ZDHHC11: variants seen among roughly 807,000 people sequenced by gnomAD.
The protein encoded by ZDHHC11 is palmitoyltransferase ZDHHC11.
A neutral mutation model predicts 51.3 loss-of-function variants in ZDHHC11; 44 were observed. The ratio of observed to expected loss-of-function variants is 0.86; its 90% CI spans 0.67 to 1.10. ZDHHC11 has a LOEUF of 1.10. Ranked by LOEUF, ZDHHC11 falls within the 50% of genes least tolerant of loss-of-function variation. The pLI is 0.00. For synonymous variants in ZDHHC11, 163 were observed against 222.0 expected (o/e 0.73, Z 2.36); for missense variants, 400 against 537.7 (o/e 0.74, Z 2.53).
At chr5:836,089 T>G (rs1470682021) in intron 6 of ZDHHC11, among the ~76,000 whole-genome samples, 1 of 142,372 alleles carries the variant, frequency 7.0e-6, no homozygotes, top group Admixed American at 6.8e-5. Flanking sequence ...ATATCAGAAG[T>G]AGGAGGAAAG....
chr5:837,973 C>A (rs556281017), intron 5 of ZDHHC11, among the ~76,000 whole-genome samples: 25 of 152,054 alleles, frequency 1.6e-4, no homozygotes, highest in African/African-American at 5.8e-4. Context: ...TGCACAGAGA[C>A]CCCACAGTCG....
chr5:855,802 G>GC (rs1364246834), upstream of ZDHHC11, among the ~76,000 whole-genome samples: 19 of 146,574 alleles, frequency 1.3e-4, no homozygotes, highest in Non-Finnish European at 2.4e-4. Flanking sequence ...GAGCAGTGGG[G>GC]ACAGACCCCA....
At chr5:817,679 G>C (rs746190480) in intron 10 of ZDHHC11, among the ~76,000 whole-genome samples, 1 of 151,288 alleles carries the variant, frequency 6.6e-6, no homozygotes, top group Non-Finnish European at 1.5e-5. Flanking sequence ...CTGCTTTCTA[G>C]GTGGGACTGA....
In ZDHHC11 at chr5:837,050, C is replaced by G. The variant is rs573300279; in HGVS notation, c.900+315G>C. ...CCACCCTGGGCAACAGAGCGAGACT[C>G]TGTCTCAAAAAAAAAGATGCAAAAA... On this transcript the variant is annotated intron_variant, in intron 6 of 12. Coordinates refer to ENST00000283441, the MANE Select transcript of ZDHHC11 (RefSeq NM_024786.3). Among the ~76,000 whole-genome samples the G allele has an allele frequency of 2.0e-5, 3 of 151,582 alleles. No individual in the cohort carries two copies. In the East Asian group the frequency reaches 5.8e-4, roughly 29 times the overall value.
At chr5:844,098 G>A (rs1745684882) in intron 3 of ZDHHC11, among the ~76,000 whole-genome samples, 1 of 151,992 alleles carries the variant, frequency 6.6e-6, no homozygotes, top group Admixed American at 6.5e-5. Flanking sequence ...GTCAGTGTGG[G>A]CGTCCACTTG....
chr5:854,086 C>CG (rs11425138), upstream of ZDHHC11, among the ~76,000 whole-genome samples: 645 of 147,972 alleles, frequency 4.4e-3, 18 homozygotes, highest in Admixed American at 0.031. Context: ...GACAGCGAGC[C>CG]GGGGGGCACA....
intron 2 of ZDHHC11, among the ~76,000 whole-genome samples, chr5:848,052 C>CCT (rs2150454223): frequency 6.7e-6 from 1 of 150,050 alleles, no homozygotes; most frequent in Non-Finnish European, 1.5e-5. Context: ...GCCTCCAGGG[C>CCT]CCCTGGAGAC....
At chr5:823,578 C>T (rs539103751) in intron 8 of ZDHHC11, 4 of 165,362 alleles carry the variant, frequency 2.4e-5, no homozygotes, top group East Asian at 1.5e-4. Flanking sequence ...GTGCCACGGA[C>T]GCGGGTGTCA....
chr5:834,244 T>C (rs1463140377), intron 6 of ZDHHC11, among the ~76,000 whole-genome samples: 4 of 152,416 alleles, frequency 2.6e-5, no homozygotes, highest in African/African-American at 2.4e-5. Flanking sequence ...TAGAATGATG[T>C]TGAGCATTTT....
chr5:856,545 A>G (rs567019471), intron 1 of ZDHHC11, among the ~76,000 whole-genome samples: 8 of 148,676 alleles, frequency 5.4e-5, no homozygotes, highest in African/African-American at 2.0e-4. Flanking sequence ...ACACCACACA[A>G]CTCCATGCAC....
intron 6 of ZDHHC11, among the ~76,000 whole-genome samples, chr5:834,969 G>A (rs868845104): frequency 1.2e-3 from 189 of 151,966 alleles, no homozygotes; most frequent in Middle Eastern, 6.8e-3. Flanking sequence ...ATGTGTGCCT[G>A]TATTTTTATT....
At chr5:836,080 T>G (rs1301711135) in intron 6 of ZDHHC11, among the ~76,000 whole-genome samples, 1 of 140,086 alleles carries the variant, frequency 7.1e-6, no homozygotes, top group African/African-American at 2.7e-5. Flanking sequence ...GTGACTGTGA[T>G]ATCAGAAGTA....
intron 11 of ZDHHC11, among the ~76,000 whole-genome samples, chr5:802,667 G>A (rs1738601163): frequency 6.7e-6 from 1 of 149,944 alleles, no homozygotes; most frequent in Non-Finnish European, 1.5e-5. Flanking sequence ...ATCTATGGGA[G>A]AGTGCTTGAA....
At chr5:817,441 A>G (rs1740954291) in intron 10 of ZDHHC11, among the ~76,000 whole-genome samples, 1 of 151,486 alleles carries the variant, frequency 6.6e-6, no homozygotes, top group African/African-American at 2.4e-5. Context: ...TTCACACACT[A>G]TTTTTGTGGG....
intron 1 of ZDHHC11, 69 bp downstream of exon 1, chr5:850,312 C>A (rs887388612): frequency 1.8e-5 from 28 of 1,535,108 alleles, no homozygotes. Flanking sequence ...CCAGACCCCA[C>A]AGCCAGGTCC....
At chr5:841,893 T>TGGAA in intron 4 of ZDHHC11, 1 of 989,842 alleles carries the variant, frequency 1.0e-6, no homozygotes, top group Non-Finnish European at 1.2e-6. Flanking sequence ...ACAGACCCTC[T>TGGAA]CTGGAACTGG....
intron 10 of ZDHHC11, chr5:816,827 G>T: frequency 2.1e-6 from 1 of 477,198 alleles, no homozygotes; most frequent in Non-Finnish European, 4.1e-6. Flanking sequence ...TTTGATGGCA[G>T]ATACACCCTG....
intron 1 of ZDHHC11, among the ~76,000 whole-genome samples, chr5:856,868 TACC>T (rs1413814243): frequency 2.2e-5 from 3 of 137,826 alleles, no homozygotes; most frequent in Admixed American, 2.2e-4. Context: ...ACTGCACACA[TACC>T]ACACCCCCAA....
intron 11 of ZDHHC11, among the ~76,000 whole-genome samples, chr5:813,509 T>TA (rs1048368997): frequency 4.9e-5 from 7 of 141,430 alleles, no homozygotes; most frequent in Non-Finnish European, 3.0e-5. Flanking sequence ...AGCCATGAGG[T>TA]GTGGGTGCTC....
Sources: gnomAD v4.1 joint callset for allele counts (sites outside exome capture counted in the v4.1 genomes callset) on GRCh38, gnomAD v4.1.1 for gene constraint, MANE v1.5 for transcripts, NCBI Gene and HGNC (gene_info 2026-07-23, HGNC 2026-07-21) for gene names.